The following MACROD2 variants were observed in gnomAD, a reference collection of about 807,000 sequenced individuals.
MACROD2 encodes ADP-ribose glycohydrolase MACROD2.
Under a neutral mutation model 70.4 loss-of-function variants are expected in MACROD2, and 36 were observed. That is an observed-to-expected ratio of 0.51 (90% CI 0.39 to 0.68). MACROD2 has a LOEUF of 0.68. Among genes scored for constraint, MACROD2 ranks in the 30% least tolerant of loss-of-function variants. The pLI is 0.00. For synonymous variants in MACROD2, 172 were observed against 178.8 expected (o/e 0.96, Z 0.30); for missense variants, 496 against 538.4 (o/e 0.92, Z 0.78).
chr20:15,192,014 G>GTATGTATCTATCTATC (rs775631414), intron 5 of MACROD2, among the ~76,000 whole-genome samples: 2 of 146,388 alleles, frequency 1.4e-5, no homozygotes, highest in Non-Finnish European at 3.0e-5. Flanking sequence ...TATTAACTAT[G>GTATGTATCTATCTATC]TATCTATCTA....
intron 5 of MACROD2, among the ~76,000 whole-genome samples, chr20:15,206,367 G>A: frequency 6.6e-6 from 1 of 152,046 alleles, no homozygotes; most frequent in Non-Finnish European, 1.5e-5. Flanking sequence ...CTTACATGGA[G>A]CTATTGCTTA....
At position 15,532,493 on chromosome 20, in the gene MACROD2, C is replaced by G. The variant is rs541839685; in HGVS notation, c.645+32646C>G. Among the ~76,000 whole-genome samples, 33 of 152,090 alleles carry G rather than the reference C, an allele frequency of 2.2e-4. 1 individual carries two copies. In the South Asian group the frequency reaches 6.4e-3, roughly 30 times the overall value. On this transcript the variant is annotated intron_variant, in intron 8 of 17. Coordinates refer to ENST00000684519, the MANE Select transcript of MACROD2 (RefSeq NM_001351661.2). Reference sequence around the variant, plus strand: ...TGTTGGAAGCAAACCAATCAACAAACTTGGCACCGTCACTGAGGAAGAGAG... The same window carrying G: ...TGTTGGAAGCAAACCAATCAACAAAGTTGGCACCGTCACTGAGGAAGAGAG...
At chr20:15,773,545 C>G (rs574259470) in intron 8 of MACROD2, among the ~76,000 whole-genome samples, 1 of 152,060 alleles carries the variant, frequency 6.6e-6, no homozygotes. Context: ...CAGATCAATT[C>G]CCTGTTAACT....
At chr20:14,194,414 G>T (rs2081413293) in intron 3 of MACROD2, among the ~76,000 whole-genome samples, 1 of 151,928 alleles carries the variant, frequency 6.6e-6, no homozygotes, top group Non-Finnish European at 1.5e-5. Context: ...AGTGAATGAG[G>T]GTAGCCCTAC....
intron 8 of MACROD2, among the ~76,000 whole-genome samples, chr20:15,782,552 G>C (rs1177246587): frequency 6.6e-6 from 1 of 151,790 alleles, no homozygotes; most frequent in East Asian, 1.9e-4. Context: ...TGGCAGCTGG[G>C]TTCTAAGAGA....
At chr20:15,035,390 TG>T (rs1382773942) in intron 5 of MACROD2, among the ~76,000 whole-genome samples, 1 of 151,330 alleles carries the variant, frequency 6.6e-6, no homozygotes, top group African/African-American at 2.4e-5. Flanking sequence ...GGCAACAGAG[TG>T]AGACCTTGTC....
At chr20:15,106,003 G>A (rs1312325567) in intron 5 of MACROD2, among the ~76,000 whole-genome samples, 2 of 152,116 alleles carry the variant, frequency 1.3e-5, no homozygotes, top group African/African-American at 2.4e-5. Flanking sequence ...ATAACATGAG[G>A]TGATGAATGT....
chr20:14,725,499 C>T (rs1037543819), intron 5 of MACROD2, among the ~76,000 whole-genome samples: 1 of 151,794 alleles, frequency 6.6e-6, no homozygotes, highest in African/African-American at 2.4e-5. Flanking sequence ...AATATGAAGC[C>T]CTTAGCATGC....
At chr20:14,308,137 T>C (rs1311573669) in intron 3 of MACROD2, among the ~76,000 whole-genome samples, 1 of 152,148 alleles carries the variant, frequency 6.6e-6, no homozygotes, top group East Asian at 1.9e-4. Flanking sequence ...TTGCGGCAGC[T>C]TGCCCAGAGC....
At chr20:15,173,412 G>C (rs2076437297) in intron 5 of MACROD2, among the ~76,000 whole-genome samples, 1 of 152,188 alleles carries the variant, frequency 6.6e-6, no homozygotes, top group African/African-American at 2.4e-5. Context: ...TCAGATCAAA[G>C]TGATAGGATT....
chr20:14,468,789 C>T (rs750433123), intron 3 of MACROD2, among the ~76,000 whole-genome samples: 4 of 152,048 alleles, frequency 2.6e-5, no homozygotes, highest in Non-Finnish European at 5.9e-5. Context: ...GGATTACAGG[C>T]GTGAGCTGTC....
At chr20:15,616,611 C>T (rs542071031) in intron 8 of MACROD2, among the ~76,000 whole-genome samples, 2 of 152,294 alleles carry the variant, frequency 1.3e-5, no homozygotes, top group African/African-American at 4.8e-5. Flanking sequence ...TTCCATACCT[C>T]TAGACGCTGG....
At chr20:15,825,249 C>T (rs1468906498) in intron 8 of MACROD2, among the ~76,000 whole-genome samples, 1 of 152,202 alleles carries the variant, frequency 6.6e-6, no homozygotes, top group African/African-American at 2.4e-5. Flanking sequence ...TAAGCCTAAA[C>T]TTTAGGGGGA....
intron 7 of MACROD2, among the ~76,000 whole-genome samples, chr20:15,491,022 C>G (rs2047224863): frequency 6.6e-6 from 1 of 152,118 alleles, no homozygotes; most frequent in Non-Finnish European, 1.5e-5. Context: ...CCATTGTATT[C>G]TTATGAAAAT....
chr20:14,943,497 A>G (rs567408770), intron 5 of MACROD2, among the ~76,000 whole-genome samples: 3 of 152,238 alleles, frequency 2.0e-5, no homozygotes, highest in East Asian at 3.9e-4. Context: ...TAATTGTCTC[A>G]TAATAATGGT....
intron 5 of MACROD2, among the ~76,000 whole-genome samples, chr20:14,866,959 C>T (rs568156934): frequency 3.5e-4 from 54 of 152,148 alleles, no homozygotes; most frequent in Admixed American, 5.2e-4. Context: ...ATCTTTCAAA[C>T]GATATTATCT....
chr20:14,885,672 C>T (rs1052122337), intron 5 of MACROD2, among the ~76,000 whole-genome samples: 7 of 152,162 alleles, frequency 4.6e-5, no homozygotes, highest in Non-Finnish European at 7.3e-5. Context: ...TTGTTATCTC[C>T]TATTGAACCT....
intron 8 of MACROD2, among the ~76,000 whole-genome samples, chr20:15,798,618 A>G (rs6131717): frequency 0.28 from 43,230 of 152,050 alleles, 6,621 homozygotes; most frequent in East Asian, 0.44. Flanking sequence ...ACATGGTCAC[A>G]TTATAGAAGG....
At chr20:15,625,754 T>C (rs141613774) in intron 8 of MACROD2, among the ~76,000 whole-genome samples, 136 of 152,232 alleles carry the variant, frequency 8.9e-4, no homozygotes, top group African/African-American at 3.0e-3. Flanking sequence ...TTGGGAATGA[T>C]TGGAACAACG....
Sources: allele counts gnomAD v4.1 joint callset (sites outside exome capture counted in the v4.1 genomes callset), GRCh38; gene constraint gnomAD v4.1.1; transcripts MANE v1.5; gene names NCBI Gene and HGNC (gene_info 2026-07-23, HGNC 2026-07-21).